STRN3: variants seen among roughly 807,000 people sequenced by gnomAD.
The protein encoded by STRN3 is striatin-3.
A neutral mutation model predicts 95.6 loss-of-function variants in STRN3; 29 were observed. The observed-to-expected ratio is 0.30, with a 90% CI of 0.23 to 0.41. The LOEUF is 0.41. Ranked by LOEUF, STRN3 falls within the 10% of genes least tolerant of loss-of-function variation. The pLI is 1.00. For synonymous variants in STRN3, 331 were observed against 357.6 expected (o/e 0.93, Z 0.84); for missense variants, 890 against 972.1 (o/e 0.92, Z 1.12).
chr14:30,905,638 C>A, intron 14 of STRN3, 80 bp from the exon 15 acceptor site: 1 of 1,468,136 alleles, frequency 6.8e-7, no homozygotes, highest in South Asian at 1.4e-5. Flanking sequence ...CTCTGTTTTT[C>A]TAATCAGAAA....
At chr14:30,984,483 T>C (rs1881580669) in intron 1 of STRN3, among the ~76,000 whole-genome samples, 1 of 151,916 alleles carries the variant, frequency 6.6e-6, no homozygotes, top group Non-Finnish European at 1.5e-5. Context: ...ATTATTCACA[T>C]TACTTAGTAC....
chr14:30,966,552 G>C (rs925968117), intron 1 of STRN3, among the ~76,000 whole-genome samples: 4 of 152,156 alleles, frequency 2.6e-5, no homozygotes, highest in Admixed American at 6.5e-5. Flanking sequence ...AACGCAGAGT[G>C]GGGGACTGGC....
At chr14:30,986,088 G>T (rs1318828851) in intron 1 of STRN3, among the ~76,000 whole-genome samples, 1 of 152,108 alleles carries the variant, frequency 6.6e-6, no homozygotes, top group Non-Finnish European at 1.5e-5. Flanking sequence ...ATTAAAAAAA[G>T]AATGAGAATG....
chr14:30,945,421 C>G (rs1879313368), intron 5 of STRN3, among the ~76,000 whole-genome samples: 1 of 152,032 alleles, frequency 6.6e-6, no homozygotes, highest in South Asian at 2.1e-4. Context: ...AGTTCAAGAC[C>G]TGGGCAACAT....
At chr14:30,961,821 G>A (rs569935633) in intron 1 of STRN3, among the ~76,000 whole-genome samples, 7 of 152,260 alleles carry the variant, frequency 4.6e-5, no homozygotes, top group African/African-American at 1.4e-4. Context: ...TGCCCAGGCT[G>A]GCCTTGAACT....
intron 3 of STRN3, among the ~76,000 whole-genome samples, chr14:30,954,389 C>A (rs1026873666): frequency 2.6e-5 from 4 of 152,046 alleles, no homozygotes; most frequent in African/African-American, 9.7e-5. Flanking sequence ...ATATTTTGTA[C>A]ATTTTCTTTC....
intron 13 of STRN3, among the ~76,000 whole-genome samples, chr14:30,910,421 TA>T (rs1896577729): frequency 6.6e-6 from 1 of 152,208 alleles, no homozygotes; most frequent in Non-Finnish European, 1.5e-5. Context: ...GTGTGTTAAA[TA>T]AAAAGAACAA....
intron 1 of STRN3, among the ~76,000 whole-genome samples, chr14:30,987,327 G>A (rs1184577755): frequency 6.6e-6 from 1 of 152,106 alleles, no homozygotes; most frequent in African/African-American, 2.4e-5. Flanking sequence ...CTAACATGGT[G>A]AAACCCCATC....
intron 9 of STRN3, among the ~76,000 whole-genome samples, chr14:30,916,567 G>A (rs779025882): frequency 4.0e-5 from 6 of 151,886 alleles, no homozygotes; most frequent in Non-Finnish European, 7.4e-5. Flanking sequence ...GAGCCACCGC[G>A]CCCGGCCTAA....
intron 2 of STRN3, 49 bp downstream of exon 2, chr14:30,956,090 G>A: frequency 6.7e-7 from 1 of 1,502,110 alleles, no homozygotes; most frequent in Non-Finnish European, 9.2e-7. Flanking sequence ...GTATACATGA[G>A]TATACTATTG....
rs1896111482 is a variant in STRN3 at position 30,895,288 on chromosome 14, G to A, written c.*123C>T. ...ATGTGATTTCCACCAATTTGTGCCT[G>A]CCCCAGATAGCCTTCACCAGGCAGA... On this transcript the variant is annotated 3_prime_UTR_variant, in exon 18 of 18. Coordinates refer to ENST00000357479, the MANE Select transcript of STRN3 (RefSeq NM_001083893.2). 4 of 957,028 alleles carry A rather than the reference G, an allele frequency of 4.2e-6. No individual in the cohort carries two copies. The African/African-American group carries it at 5.0e-5, about 12-fold the overall frequency. 59.3% of individuals were successfully genotyped at this position (957,028 alleles called of 1,614,324 possible).
intron 1 of STRN3, among the ~76,000 whole-genome samples, chr14:30,976,777 A>AG (rs1184594536): frequency 1.3e-5 from 2 of 152,244 alleles, no homozygotes; most frequent in Admixed American, 6.5e-5. Flanking sequence ...CACTGGTCAA[A>AG]GAAGTATCAG....
intron 8 of STRN3, among the ~76,000 whole-genome samples, chr14:30,920,089 G>C (rs1275169037): frequency 6.6e-6 from 1 of 152,104 alleles, no homozygotes; most frequent in Non-Finnish European, 1.5e-5. Context: ...TATATATTAA[G>C]TTCACTGTGG....
Position 31,025,889 on chromosome 14 carries a change from A to ACCC in STRN3, c.282+12_282+14dup. The ACCC allele has an allele frequency of 6.3e-7, 1 of 1,594,054 alleles. No homozygotes were observed. The highest frequency in any genetic ancestry group is 1.4e-5 in the African/African-American group (1 of 73,988). On this transcript the variant is annotated intron_variant, in intron 1 of 17. Coordinates refer to ENST00000357479, the MANE Select transcript of STRN3 (RefSeq NM_001083893.2). ...CAGCCGCCGCAGCTCCCGCACACCG[A>ACCC]CCCCAACGAGGTACCTGCAGTTCGG...
chr14:30,990,370 G>A (rs1320058553), intron 1 of STRN3, among the ~76,000 whole-genome samples: 4 of 151,660 alleles, frequency 2.6e-5, no homozygotes, highest in African/African-American at 7.3e-5. Flanking sequence ...GGGTTTCACC[G>A]TATTAGCCAG....
At chr14:30,988,008 C>A (rs1881780840) in intron 1 of STRN3, among the ~76,000 whole-genome samples, 1 of 152,118 alleles carries the variant, frequency 6.6e-6, no homozygotes, top group South Asian at 2.1e-4. Context: ...CGTGCTGGGA[C>A]TACAGGCGTA....
intron 1 of STRN3, among the ~76,000 whole-genome samples, chr14:31,007,307 A>G (rs183659754): frequency 6.6e-5 from 10 of 152,310 alleles, no homozygotes; most frequent in Admixed American, 5.2e-4. Context: ...CTCCCCCTCC[A>G]AGCACATACA....
intron 13 of STRN3, among the ~76,000 whole-genome samples, chr14:30,909,007 GTCC>G (rs1349628186): frequency 2.6e-5 from 4 of 152,096 alleles, no homozygotes; most frequent in Non-Finnish European, 5.9e-5. Context: ...CACCTGTTCT[GTCC>G]TCGTTTCAAT....
At chr14:30,999,055 A>C (rs1030775649) in intron 1 of STRN3, among the ~76,000 whole-genome samples, 1 of 152,192 alleles carries the variant, frequency 6.6e-6, no homozygotes, top group Non-Finnish European at 1.5e-5. Flanking sequence ...CCAGACACTG[A>C]ACTTTTTAGA....
Sources: allele counts gnomAD v4.1 joint callset (sites outside exome capture counted in the v4.1 genomes callset), GRCh38; gene constraint gnomAD v4.1.1; transcripts MANE v1.5; gene names NCBI Gene and HGNC (gene_info 2026-07-23, HGNC 2026-07-21).